The following STAG1 variants were observed in gnomAD, a reference collection of about 807,000 sequenced individuals.
STAG1 encodes STAG1 cohesin complex component.
Under a neutral mutation model 170.9 loss-of-function variants are expected in STAG1, and 26 were observed. The observed-to-expected ratio is 0.15, with a 90% CI of 0.11 to 0.21. The LOEUF is 0.21. Among genes scored for constraint, STAG1 ranks in the 10% least tolerant of loss-of-function variants. The pLI is 1.00. For synonymous variants in STAG1, 514 were observed against 497.7 expected, an observed-to-expected ratio of 1.03 and a Z score of -0.44; for missense variants, 964 against 1,509.5, an observed-to-expected ratio of 0.64 and a Z score of 5.99.
intron 21 of STAG1, among the ~76,000 whole-genome samples, chr3:136,412,108 G>C (rs879477098): frequency 4.6e-5 from 7 of 152,030 alleles, no homozygotes; most frequent in Admixed American, 3.9e-4. Context: ...GCTACAATTT[G>C]AGAACCAAAA....
intron 1 of STAG1, among the ~76,000 whole-genome samples, chr3:136,695,191 A>G (rs1942847649): frequency 6.6e-6 from 1 of 152,224 alleles, no homozygotes; most frequent in South Asian, 2.1e-4. Flanking sequence ...TATCTTTAGT[A>G]TAATCAGTTT....
intron 16 of STAG1, among the ~76,000 whole-genome samples, chr3:136,424,957 A>G (rs1442066906): frequency 1.3e-5 from 2 of 152,124 alleles, no homozygotes; most frequent in African/African-American, 4.8e-5. Context: ...CTCCTGCCTC[A>G]GCCTTCTGAG....
chr3:136,498,817 C>G (rs538426942), intron 9 of STAG1, among the ~76,000 whole-genome samples: 1 of 152,088 alleles, frequency 6.6e-6, no homozygotes, highest in Non-Finnish European at 1.5e-5. Context: ...AAACTCCAAT[C>G]AGACAATCCA....
intron 5 of STAG1, among the ~76,000 whole-genome samples, chr3:136,544,902 A>G (rs537521265): frequency 6.6e-6 from 1 of 152,334 alleles, no homozygotes; most frequent in Admixed American, 6.5e-5. Context: ...CTTTCTAAGT[A>G]ATTGCTCCAT....
At chr3:136,572,269 G>A (rs796702996) in intron 4 of STAG1, among the ~76,000 whole-genome samples, 51 of 151,680 alleles carry the variant, frequency 3.4e-4, no homozygotes, top group African/African-American at 1.2e-3. Context: ...AACATACTAC[G>A]AAGGAACTGA....
At chr3:136,551,204 A>AGAGAGAGAGG (rs1936370217) in intron 5 of STAG1, among the ~76,000 whole-genome samples, 1 of 50,258 alleles carries the variant, frequency 2.0e-5, no homozygotes, top group African/African-American at 1.0e-4. Context: ...AGGTTGAGAG[A>AGAGAGAGAGG]GAGTGAGAGA....
chr3:136,500,180 G>T, intron 9 of STAG1, 43 bp downstream of exon 9: 3 of 1,250,040 alleles, frequency 2.4e-6, no homozygotes, highest in Non-Finnish European at 3.4e-6. Context: ...ATCAATAATT[G>T]TTTAAGTGAA....
At chr3:136,453,345 T>G (rs553109972) in intron 13 of STAG1, among the ~76,000 whole-genome samples, 1 of 152,020 alleles carries the variant, frequency 6.6e-6, no homozygotes, top group South Asian at 2.1e-4. Context: ...TAATCCCAGC[T>G]CTTTGGGAGG....
chr3:136,561,048 C>A (rs1936818864), intron 5 of STAG1, among the ~76,000 whole-genome samples: 1 of 151,998 alleles, frequency 6.6e-6, no homozygotes, highest in Non-Finnish European at 1.5e-5. Context: ...GGAAAATGGG[C>A]TCACACAGTA....
At chr3:136,637,303 C>T (rs1441926216) in intron 1 of STAG1, among the ~76,000 whole-genome samples, 3 of 151,920 alleles carry the variant, frequency 2.0e-5, no homozygotes, top group Non-Finnish European at 4.4e-5. Flanking sequence ...GCAATTCACA[C>T]GAAAAGATAA....
intron 6 of STAG1, among the ~76,000 whole-genome samples, chr3:136,531,830 C>T (rs1275813297): frequency 6.7e-6 from 1 of 149,354 alleles, no homozygotes; most frequent in Admixed American, 6.7e-5. Flanking sequence ...TTAGTGGGTG[C>T]AGCGCACCAG....
intron 4 of STAG1, among the ~76,000 whole-genome samples, chr3:136,569,989 G>C (rs186741753): frequency 1.3e-5 from 2 of 152,092 alleles, no homozygotes; most frequent in African/African-American, 4.8e-5. Context: ...GATTGTTTGA[G>C]ATTTTCTTGG....
At chr3:136,515,151 G>C (rs929178496) in intron 7 of STAG1, among the ~76,000 whole-genome samples, 3 of 152,128 alleles carry the variant, frequency 2.0e-5, no homozygotes, top group Non-Finnish European at 4.4e-5. Context: ...GACTGCCCGA[G>C]GTGAGGAGTT....
intron 5 of STAG1, among the ~76,000 whole-genome samples, chr3:136,555,246 G>A (rs933607670): frequency 6.6e-6 from 1 of 150,736 alleles, no homozygotes; most frequent in African/African-American, 2.4e-5. Context: ...GCATGGTCTT[G>A]CATGCCTGTA....
rs372663132 is a variant in STAG1 at position 136,713,192 on chromosome 3, G to A, written c.-84+39003C>T. ...CAAGAATAGAATGGATAAATGTGGC[G>A]TAATCACACAAGTATATAGTTCCTA... On this transcript the variant is annotated intron_variant, in intron 1 of 33. Coordinates refer to ENST00000383202, the MANE Select transcript of STAG1 (RefSeq NM_005862.3). 4.6e-3 allele frequency among the ~76,000 whole-genome samples: 695 copies of A among 152,178 alleles called. 14 individuals are homozygous for A. The highest frequency in any genetic ancestry group is 0.034 in the Middle Eastern group (10 of 294).
In STAG1 at chr3:136,601,870, A is replaced by G. The variant is rs529772016; in HGVS notation, c.297+2439T>C. Among the ~76,000 whole-genome samples, 26 of 152,182 alleles carry G rather than the reference A, an allele frequency of 1.7e-4. 1 individual carries two copies. Among genetic ancestry groups the G allele is most frequent in the African/African-American group, 6.0e-4 (25 of 41,540 alleles). On this transcript the variant is annotated intron_variant, in intron 4 of 33. Transcript: ENST00000383202. Reference sequence around the variant, plus strand: ...AAAGTTTCAGCAGAAAAGACACAGCATAAGAGTATAATTAGAAAAGAGTAA... The same window carrying G: ...AAAGTTTCAGCAGAAAAGACACAGCGTAAGAGTATAATTAGAAAAGAGTAA...
rs568928230 is a variant in STAG1 at position 136,745,440 on chromosome 3, T to A, written c.-84+6755A>T. Among the ~76,000 whole-genome samples the A allele has an allele frequency of 6.7e-3, 1,013 of 152,036 alleles. 13 individuals are homozygous for A. Among genetic ancestry groups the A allele is most frequent in the Non-Finnish European group, 5.7e-3 (386 of 67,968 alleles). On this transcript the variant is annotated intron_variant, in intron 1 of 33. Transcript: ENST00000383202. ...CAGGGACCAGGTTCGTGGAAAAAAATTTTTCCACGGATGGGGTGGGGAATC... is the reference window on the plus strand; with the variant it reads ...CAGGGACCAGGTTCGTGGAAAAAAAATTTTCCACGGATGGGGTGGGGAATC...
intron 22 of STAG1, among the ~76,000 whole-genome samples, chr3:136,380,757 C>T (rs1387248985): frequency 3.3e-5 from 5 of 151,878 alleles, no homozygotes; most frequent in Admixed American, 3.3e-4. Flanking sequence ...TGATGGCTCA[C>T]GCCTGTAATC....
chr3:136,720,469 T>G (rs1933176204), intron 1 of STAG1, among the ~76,000 whole-genome samples: 1 of 152,154 alleles, frequency 6.6e-6, no homozygotes, highest in Non-Finnish European at 1.5e-5. Flanking sequence ...TCAAGCTATC[T>G]GAGCTCAATA....
Sources: gnomAD v4.1 joint callset for allele counts (sites outside exome capture counted in the v4.1 genomes callset) on GRCh38, gnomAD v4.1.1 for gene constraint, MANE v1.5 for transcripts, NCBI Gene and HGNC (gene_info 2026-07-23, HGNC 2026-07-21) for gene names.